Variants in PLCD3 observed in about 807,000 individuals in gnomAD.
PLCD3 encodes the protein phospholipase C delta 3, also known as 1-phosphatidylinositol 4,5-bisphosphate phosphodiesterase delta-3.
PLCD3 carries 62 observed loss-of-function variants against 82.8 expected under a neutral mutation model. That is an observed-to-expected ratio of 0.75 (90% CI 0.61 to 0.93). The LOEUF (loss-of-function observed/expected upper bound fraction) is 0.93, where lower values mean the gene tolerates loss of function less well. Ranked by LOEUF, PLCD3 falls within the 40% of genes least tolerant of loss-of-function variation. The pLI is 0.00. For missense variants in PLCD3, 1,023 were observed against 1,103.4 expected (o/e 0.93, Z 1.03); for synonymous variants, 478 against 471.8 (o/e 1.01, Z -0.17).
rs778544386 is a variant in PLCD3, at chr17:45,113,509, C to A, written c.1925G>T (p.Cys642Phe). 2.7e-5 allele frequency: 43 copies of A among 1,585,548 alleles called. No individual in the cohort carries two copies. The highest frequency in any genetic ancestry group is 3.6e-5 in the Non-Finnish European group (42 of 1,166,298). ...AAAGGTCGAGTCAGGTTGCCGCAGG[C>A]AGGCAGGTTTTAGGACGTAGCCACA... ...GQCGYVLKPA[C>F]LRQPDSTFDP... Residue 642 changes from cysteine (C) to phenylalanine (F), a missense_variant, in exon 12 of 15, where the codon TGC becomes TTC. Around this residue, in one of 3 missense-constraint regions of PLCD3, gnomAD observed 553 missense variants for 655.7 expected, o/e 0.84. Coordinates refer to ENST00000619929, the MANE Select transcript of PLCD3 (RefSeq NM_133373.5).
At chr17:45,128,472 G>T (rs2054397568) in intron 1 of PLCD3, among the ~76,000 whole-genome samples, 1 of 152,228 alleles carries the variant, frequency 6.6e-6, no homozygotes, top group Non-Finnish European at 1.5e-5. Flanking sequence ...CAGGGCTGGG[G>T]GTTGTTCTGA....
Position 45,116,573 on chromosome 17 carries a change from G to A in PLCD3, c.1413+59C>T, listed in dbSNP as rs1204904302. 2.0e-5 allele frequency: 30 copies of A among 1,491,690 alleles called. 1 individual carries two copies. The South Asian group carries it at 2.8e-4, about 14-fold the overall frequency. 92.4% of individuals were successfully genotyped at this position (1,491,690 alleles called of 1,614,324 possible). On this transcript the variant is annotated intron_variant, in intron 8 of 14. Transcript: ENST00000619929. ...GCCACAGAGGTGGCACGAGCAGTGC[G>A]GGGAGGCGGACTCCCACCAGACCTC...
rs1367450201 is a variant in PLCD3 at position 45,115,250 on chromosome 17, A to G, written c.1561-6T>C. The stretch of plus-strand genomic sequence containing the variant: ...TCCGGGGAGATCTGCTTGGCCTAGG[A>G]GACCAGGCTCAGCGGGGTTCAGCTG... On this transcript the variant is annotated splice_region_variant and splice_polypyrimidine_tract_variant and intron_variant, in intron 9 of 14. Transcript: ENST00000619929. 1.3e-6 allele frequency: 2 copies of G among 1,554,988 alleles called. No homozygotes were observed. The highest frequency in any genetic ancestry group is 2.4e-5 in the South Asian group (2 of 83,438).
chr17:45,112,396 G>A lies in PLCD3; in HGVS notation c.*220C>T. On this transcript the variant is annotated 3_prime_UTR_variant, in exon 15 of 15. Coordinates refer to ENST00000619929, the MANE Select transcript of PLCD3 (RefSeq NM_133373.5). ...GGGGCCATCTCAGGGCCCCAGGGTTGGAGCTCACTGAAGTCACATGAACAC... is the reference window on the plus strand; with the variant it reads ...GGGGCCATCTCAGGGCCCCAGGGTTAGAGCTCACTGAAGTCACATGAACAC... 1.7e-6 allele frequency: 1 copy of A among 583,694 alleles called. No individual in the cohort carries two copies. Among genetic ancestry groups the A allele is most frequent in the Non-Finnish European group, 3.1e-6 (1 of 326,260 alleles). 36.2% of individuals were successfully genotyped at this position (583,694 alleles called of 1,614,324 possible).
rs1227631572 is a variant in PLCD3 at position 45,114,278 on chromosome 17, C to T, written c.1800G>A (p.Gln600=). 6.5e-7 allele frequency: 1 copy of T among 1,546,146 alleles called. No individual in the cohort carries two copies. Among genetic ancestry groups the T allele is most frequent in the African/African-American group, 1.4e-5 (1 of 72,626 alleles). ...LRMNSANYSP[Q]EMWNSGCQLV... is the part of the protein sequence containing the mutation. The stretch of plus-strand genomic sequence containing the variant: ...GCTGACAGCCCGAGTTCCACATCTC[C>T]TGGGGACTGTAGTTGGCTGAGTTCA... The change falls in exon 11 of 15, where the codon CAG becomes CAA. Residue 600 remains glutamine, a synonymous_variant. Coordinates refer to ENST00000619929, the MANE Select transcript of PLCD3 (RefSeq NM_133373.5).
chr17:45,132,365 G>A lies in PLCD3; in HGVS notation c.46C>T (p.Pro16Ser), dbSNP rs1158002352. The A allele has an allele frequency of 8.1e-7, 1 of 1,229,610 alleles. No individual in the cohort carries two copies. Among genetic ancestry groups the A allele is most frequent in the East Asian group, 3.2e-5 (1 of 31,574 alleles). The allele number at this position is 1,229,610 out of a possible 1,614,324, so 76.2% of individuals were successfully genotyped here. The change falls in exon 1 of 15, where the codon CCC becomes TCC. Residue 16 changes from proline to serine, a missense_variant. Physicochemically the swap from Pro to Ser is moderately conservative, Grantham distance 74 (BLOSUM62 -1). Transcript: ENST00000619929. The surrounding 1 kb of genome is among the most constrained non-coding windows in gnomAD (Gnocchi z 4.6). Reference sequence around the variant, plus strand: ...GCTGCGACCTGGGCGGCCACCGGGGGCTCCTCGGGCGGGCGGCGGCAACGC... The same window carrying A: ...GCTGCGACCTGGGCGGCCACCGGGGACTCCTCGGGCGGGCGGCGGCAACGC... Reference protein sequence around the residue: ...WRRCRRPPEEPPVAAQVAAQV... With the variant: ...WRRCRRPPEESPVAAQVAAQV...
chr17:45,124,574 G>A (rs1289533621), intron 1 of PLCD3, among the ~76,000 whole-genome samples: 1 of 152,262 alleles, frequency 6.6e-6, no homozygotes, highest in East Asian at 1.9e-4. Context: ...GGAAGGGCAG[G>A]GCCAACAGAG....
chr17:45,123,921 G>A (rs1201001808), intron 1 of PLCD3, among the ~76,000 whole-genome samples: 1 of 150,204 alleles, frequency 6.7e-6, no homozygotes, highest in East Asian at 2.0e-4. Flanking sequence ...AGAGCTGGGT[G>A]TACACGGCAC....
At chr17:45,123,578 G>A (rs771691513) in intron 1 of PLCD3, among the ~76,000 whole-genome samples, 10 of 152,132 alleles carry the variant, frequency 6.6e-5, no homozygotes, top group Non-Finnish European at 1.0e-4. Context: ...CAGAGGCCTC[G>A]CAGGTCAGGG....
intron 7 of PLCD3, 137 bp downstream of exon 7, chr17:45,117,857 C>A (rs774650629): frequency 5.3e-5 from 64 of 1,214,938 alleles, no homozygotes; most frequent in Middle Eastern, 2.6e-4. Context: ...GGCCACTTAT[C>A]CCAGCAGCAC....
rs774528952 is a variant in PLCD3 at position 45,121,323 on chromosome 17, G to A, written c.213C>T (p.Leu71=). 3.4e-5 allele frequency: 53 copies of A among 1,559,120 alleles called. No individual in the cohort carries two copies. Among genetic ancestry groups the A allele is most frequent in the Middle Eastern group, 1.8e-4 (1 of 5,624 alleles). ...GCCACGTGCGCGAGCGGATCTTGCG[G>A]AGCCGGGAGCCCCGCAGCATGGCGC... The part of the protein sequence containing the change: ...DVRAMLRGSR[L]RKIRSRTWHK... The change falls in exon 2 of 15, where the codon CTC becomes CTT. Residue 71 remains leucine, a synonymous_variant. Transcript: ENST00000619929.
At position 45,118,501 on chromosome 17, in the gene PLCD3, G is replaced by A; in HGVS notation, c.914-9C>T. On this transcript the variant is annotated splice_polypyrimidine_tract_variant and intron_variant, in intron 5 of 14. Coordinates refer to ENST00000619929, the MANE Select transcript of PLCD3 (RefSeq NM_133373.5). The surrounding 1 kb of genome is among the most constrained non-coding windows in gnomAD (Gnocchi z 4.1). ...CAGCTCATGCTGCTTGGCTGCAGGG[G>A]TGGCAGGAGAGGGCATCAGGCCACA... The A allele has an allele frequency of 6.2e-7, 1 of 1,613,724 alleles. No homozygotes were observed. The highest frequency in any genetic ancestry group is 8.5e-7 in the Non-Finnish European group (1 of 1,179,820).
At chr17:45,125,884 G>T (rs1030562696) in intron 1 of PLCD3, among the ~76,000 whole-genome samples, 15 of 152,182 alleles carry the variant, frequency 9.9e-5, no homozygotes, top group Admixed American at 9.8e-4. Context: ...GGAGGTAATG[G>T]AGAGTTATTG....
At chr17:45,123,611 C>T (rs1471640622) in intron 1 of PLCD3, among the ~76,000 whole-genome samples, 2 of 152,166 alleles carry the variant, frequency 1.3e-5, no homozygotes, top group African/African-American at 2.4e-5. Flanking sequence ...AGCTGTGCAT[C>T]GGAATTACCC....
rs980886244 is a variant in PLCD3, at chr17:45,121,066, C to T, written c.390G>A (p.Gly130=). 5.2e-6 allele frequency: 8 copies of T among 1,542,024 alleles called. No homozygotes were observed. In the East Asian group the frequency reaches 9.8e-5, roughly 19 times the overall value. The change falls in exon 3 of 15, where the codon GGG becomes GGA. Residue 130 remains glycine, a synonymous_variant. Transcript: ENST00000619929. ...GGCAGCGCGCTGGCGCGAAGGCACCCCCGAAGCGCCGCAGGCCCTCGGACT... is the reference window on the plus strand; with the variant it reads ...GGCAGCGCGCTGGCGCGAAGGCACCTCCGAAGCGCCGCAGGCCCTCGGACT... ...GHQSEGLRRF[G]GAFAPARCLT...
intron 1 of PLCD3, among the ~76,000 whole-genome samples, chr17:45,131,318 A>C (rs1352446708): frequency 6.6e-6 from 1 of 152,266 alleles, no homozygotes; most frequent in Admixed American, 6.5e-5. Flanking sequence ...TCCATCACTG[A>C]CTATTCTACC....
intron 1 of PLCD3, among the ~76,000 whole-genome samples, chr17:45,123,620 C>T (rs1481920944): frequency 1.3e-5 from 2 of 152,166 alleles, no homozygotes; most frequent in Non-Finnish European, 2.9e-5. Flanking sequence ...TCGGAATTAC[C>T]CAGGGGAGGC....
chr17:45,121,000 C>T lies in PLCD3; in HGVS notation c.456G>A (p.Leu152=). 6.5e-7 allele frequency: 1 copy of T among 1,536,750 alleles called. No individual in the cohort carries two copies. ...GCGCTTCCTCAGCCGTGGGCGCCGC[C>T]AGGTCCAGGTTCTTGCGGCGGCCCT... ...AFKGRRKNLD[L]AAPTAEEAQR... The change falls in exon 3 of 15, where the codon CTG becomes CTA. Residue 152 remains leucine (L), a synonymous_variant. Coordinates refer to ENST00000619929, the MANE Select transcript of PLCD3 (RefSeq NM_133373.5).
At chr17:45,123,843 T>G (rs991530745) in intron 1 of PLCD3, among the ~76,000 whole-genome samples, 24 of 152,110 alleles carry the variant, frequency 1.6e-4, no homozygotes, top group Non-Finnish European at 3.2e-4. Flanking sequence ...TGTGGCCCTC[T>G]GAGTGAATGC....
Sources: allele counts gnomAD v4.1 joint callset (sites outside exome capture counted in the v4.1 genomes callset), GRCh38; gene constraint gnomAD v4.1.1; regional missense constraint gnomAD v4.1.1; non-coding constraint Gnocchi (gnomAD v3.1); transcripts MANE v1.5; gene names NCBI Gene and HGNC (gene_info 2026-07-23, HGNC 2026-07-21).